Variants in MRPL48 observed in about 807,000 individuals in gnomAD.
MRPL48 encodes mitochondrial ribosomal protein L48.
MRPL48 carries 16 observed loss-of-function variants against 32.9 expected under a neutral mutation model. The ratio of observed to expected loss-of-function variants is 0.49; its 90% CI spans 0.33 to 0.74. MRPL48 has a LOEUF of 0.74. MRPL48 is among the 30% of genes least tolerant of loss of function. The pLI is 0.02. For missense variants in MRPL48, 206 were observed against 245.3 expected (o/e 0.84, Z 1.07); for synonymous variants, 94 against 89.2 (o/e 1.05, Z -0.31).
chr11:73,858,939 G>A (rs571498657), intron 5 of MRPL48, among the ~76,000 whole-genome samples: 3 of 152,352 alleles, frequency 2.0e-5, no homozygotes, highest in South Asian at 4.1e-4. Flanking sequence ...ACTGCAACAC[G>A]TAGACTTGCT....
chr11:73,851,375 T>C (rs1484331279), intron 5 of MRPL48, among the ~76,000 whole-genome samples: 1 of 152,224 alleles, frequency 6.6e-6, no homozygotes, highest in African/African-American at 2.4e-5. Context: ...TAGGGTCTTA[T>C]TTTAAGTCCT....
chr11:73,825,551 G>A (rs1336272190), intron 3 of MRPL48, among the ~76,000 whole-genome samples, 157 bp from the exon 4 acceptor site: 3 of 151,938 alleles, frequency 2.0e-5, no homozygotes, highest in Admixed American at 2.0e-4. Flanking sequence ...TGTGGGCTGA[G>A]GCAGGAGACT....
chr11:73,799,408 G>A (rs555495526), intron 1 of MRPL48, among the ~76,000 whole-genome samples: 3 of 152,272 alleles, frequency 2.0e-5, no homozygotes, highest in African/African-American at 7.2e-5. Context: ...AATAAAATAA[G>A]AGCTGTCATG....
At chr11:73,800,810 CTTTTTTTTTTT>C (rs1223951183) in intron 1 of MRPL48, among the ~76,000 whole-genome samples, 1 of 132,870 alleles carries the variant, frequency 7.5e-6, no homozygotes, top group Admixed American at 7.8e-5. Flanking sequence ...TTTTCTTTTT[CTTTTTTTTTTT>C]TTTTTTTGAG....
At chr11:73,818,753 A>C (rs1283889127) in intron 3 of MRPL48, among the ~76,000 whole-genome samples, 1 of 152,190 alleles carries the variant, frequency 6.6e-6, no homozygotes, top group Non-Finnish European at 1.5e-5. Flanking sequence ...TCTGAATGAG[A>C]AATAATTATA....
At chr11:73,814,336 G>A (rs1184057961) in intron 3 of MRPL48, among the ~76,000 whole-genome samples, 5 of 151,804 alleles carry the variant, frequency 3.3e-5, no homozygotes, top group Non-Finnish European at 5.9e-5. Context: ...AAGTTGCAGT[G>A]AGCTATGATT....
At position 73,830,373 on chromosome 11, in the gene MRPL48, G is replaced by T. The variant is rs192448020; in HGVS notation, c.201+4577G>T. On this transcript the variant is annotated intron_variant, in intron 4 of 7. Coordinates refer to ENST00000310614, the MANE Select transcript of MRPL48 (RefSeq NM_016055.6). ...CTCTGATGTTATTCAGTGTCCCAGG[G>T]TGGCTAGTACAGTAGTGCTGGATAC... Among the ~76,000 whole-genome samples the T allele has an allele frequency of 1.3e-3, 201 of 152,252 alleles. 1 individual carries two copies. Among genetic ancestry groups the T allele is most frequent in the African/African-American group, 4.6e-3 (192 of 41,540 alleles).
intron 4 of MRPL48, among the ~76,000 whole-genome samples, chr11:73,844,596 C>A (rs920391746): frequency 6.6e-6 from 1 of 152,144 alleles, no homozygotes; most frequent in Non-Finnish European, 1.5e-5. Flanking sequence ...CAGCAATATT[C>A]TCTCCTTGCA....
intron 5 of MRPL48, among the ~76,000 whole-genome samples, chr11:73,859,438 C>T (rs1249221843): frequency 6.6e-6 from 1 of 151,942 alleles, no homozygotes; most frequent in Non-Finnish European, 1.5e-5. Flanking sequence ...TGTGCCACCA[C>T]ACCTAGCTAA....
chr11:73,795,742 G>A (rs1481419006), intron 1 of MRPL48, among the ~76,000 whole-genome samples: 6 of 150,872 alleles, frequency 4.0e-5, no homozygotes, highest in African/African-American at 1.5e-4. Flanking sequence ...TCCTGACCTC[G>A]TGATCCACCC....
At chr11:73,847,896 A>G (rs1283665387) in intron 5 of MRPL48, among the ~76,000 whole-genome samples, 1 of 152,062 alleles carries the variant, frequency 6.6e-6, no homozygotes, top group Non-Finnish European at 1.5e-5. Flanking sequence ...TCCTTTGCAG[A>G]TACGTGTTTT....
Position 73,787,992 on chromosome 11 carries a change from G to A in MRPL48, c.21G>A (p.Lys7=), listed in dbSNP as rs373221413. 24 of 1,613,170 alleles carry A rather than the reference G, an allele frequency of 1.5e-5. No individual in the cohort carries two copies. In the African/African-American group the frequency reaches 2.5e-4, roughly 17 times the overall value. The change falls in exon 1 of 8, where the codon AAG becomes AAA. Residue 7 remains lysine (K), a splice_region_variant and synonymous_variant. Coordinates refer to ENST00000310614, the MANE Select transcript of MRPL48 (RefSeq NM_016055.6). MSGTLE[K]VLCLRNNTIF... is the part of the protein sequence containing the mutation. ...AAAGGATGAGCGGAACCTTGGAAAAGGTAACGTAGATTCCACGCACGCGGG... is the reference window on the plus strand; with the variant it reads ...AAAGGATGAGCGGAACCTTGGAAAAAGTAACGTAGATTCCACGCACGCGGG...
chr11:73,798,191 C>T (rs915333655), intron 1 of MRPL48, among the ~76,000 whole-genome samples: 19 of 152,068 alleles, frequency 1.2e-4, no homozygotes, highest in African/African-American at 4.6e-4. Context: ...GATTCTCCTG[C>T]CTCAGTCTCC....
intron 3 of MRPL48, chr11:73,818,067 C>T (rs1188364623): frequency 3.3e-5 from 5 of 152,868 alleles, no homozygotes; most frequent in Admixed American, 6.5e-5. Flanking sequence ...CCCACCTCAG[C>T]CTCCAAAGTG....
At chr11:73,799,312 ACTTTACCCCAGCC>A (rs1947314553) in intron 1 of MRPL48, among the ~76,000 whole-genome samples, 1 of 152,176 alleles carries the variant, frequency 6.6e-6, no homozygotes, top group African/African-American at 2.4e-5. Context: ...TGGTGATGCC[ACTTTACCCCAGCC>A]TGGGTGACAG....
intron 3 of MRPL48, among the ~76,000 whole-genome samples, chr11:73,816,936 C>T (rs1259571946): frequency 6.6e-6 from 1 of 151,972 alleles, no homozygotes; most frequent in African/African-American, 2.4e-5. Flanking sequence ...AGTGATTCTC[C>T]TGCCTCAGCC....
intron 1 of MRPL48, among the ~76,000 whole-genome samples, chr11:73,790,023 G>A (rs958269785): frequency 2.6e-5 from 4 of 151,354 alleles, no homozygotes; most frequent in African/African-American, 4.9e-5. Flanking sequence ...AGCCTCATGA[G>A]CAGCGGGGAT....
intron 1 of MRPL48, among the ~76,000 whole-genome samples, chr11:73,788,761 C>T (rs1283132801): frequency 6.6e-6 from 1 of 151,990 alleles, no homozygotes; most frequent in Non-Finnish European, 1.5e-5. Context: ...CATGAGCCAC[C>T]GCGCCCTGCA....
intron 1 of MRPL48, among the ~76,000 whole-genome samples, chr11:73,793,548 A>G (rs996065883): frequency 6.6e-6 from 1 of 152,242 alleles, no homozygotes; most frequent in African/African-American, 2.4e-5. Flanking sequence ...AAGAGTAGGT[A>G]GGATTTAGAG....
Sources: allele counts gnomAD v4.1 joint callset (sites outside exome capture counted in the v4.1 genomes callset), GRCh38; gene constraint gnomAD v4.1.1; transcripts MANE v1.5; gene names NCBI Gene and HGNC (gene_info 2026-07-23, HGNC 2026-07-21).